COX7B2: variants seen among roughly 807,000 people sequenced by gnomAD.
The protein encoded by COX7B2 is cytochrome c oxidase subunit 7B2.
For missense variants in COX7B2, 109 were observed against 95.9 expected (o/e 1.14, Z -0.57); for synonymous variants, 37 against 32.1 (o/e 1.15, Z -0.51).
chr4:46,829,922 A>G (rs1365248760), intron 2 of COX7B2, among the ~76,000 whole-genome samples: 2 of 152,220 alleles, frequency 1.3e-5, no homozygotes, highest in African/African-American at 4.8e-5. Flanking sequence ...TGGAATATTA[A>G]TCAGTTGTAT....
intron 2 of COX7B2, among the ~76,000 whole-genome samples, chr4:46,803,322 C>G (rs376612338): frequency 6.6e-6 from 1 of 152,074 alleles, no homozygotes; most frequent in African/African-American, 2.4e-5. Flanking sequence ...CATTAGAAAA[C>G]AAAGTTATGT....
intron 2 of COX7B2, among the ~76,000 whole-genome samples, chr4:46,736,288 G>A (rs1714362107): frequency 6.6e-6 from 1 of 152,096 alleles, no homozygotes; most frequent in South Asian, 2.1e-4. Flanking sequence ...TACTGCAGCA[G>A]AGGAGATGGG....
chr4:46,800,800 A>G (rs1424604872), intron 2 of COX7B2, among the ~76,000 whole-genome samples: 2 of 152,212 alleles, frequency 1.3e-5, no homozygotes, highest in African/African-American at 4.8e-5. Flanking sequence ...CAGAATAAAC[A>G]GAATAAATCA....
chr4:46,908,363 G>A (rs950177752), intron 1 of COX7B2, among the ~76,000 whole-genome samples: 1 of 152,048 alleles, frequency 6.6e-6, no homozygotes, highest in Non-Finnish European at 1.5e-5. Flanking sequence ...ACCAACACCC[G>A]TTTAATAGGG....
At chr4:46,820,650 C>T (rs866983457) in intron 2 of COX7B2, among the ~76,000 whole-genome samples, 2 of 151,750 alleles carry the variant, frequency 1.3e-5, no homozygotes, top group Non-Finnish European at 2.9e-5. Flanking sequence ...CAACAAACCC[C>T]GTCTCTACTA....
intron 2 of COX7B2, among the ~76,000 whole-genome samples, chr4:46,763,042 A>C (rs1039509668): frequency 7.4e-6 from 1 of 135,402 alleles, no homozygotes; most frequent in Non-Finnish European, 1.5e-5. Context: ...AATATATATT[A>C]TATATTATAA....
chr4:46,891,046 C>T (rs1236928736), intron 1 of COX7B2, among the ~76,000 whole-genome samples: 1 of 152,130 alleles, frequency 6.6e-6, no homozygotes, highest in Non-Finnish European at 1.5e-5. Context: ...TGGTTACATT[C>T]AGAGTAAACT....
intron 2 of COX7B2, among the ~76,000 whole-genome samples, chr4:46,764,276 G>A (rs1421430588): frequency 6.6e-6 from 1 of 152,190 alleles, no homozygotes; most frequent in African/African-American, 2.4e-5. Flanking sequence ...CAGGCACAGT[G>A]GCTCACGCCT....
At chr4:46,907,847 A>AATTTTTTTTTTTTTTTTTTTT (rs1308450950) in intron 1 of COX7B2, among the ~76,000 whole-genome samples, 1 of 67,204 alleles carries the variant, frequency 1.5e-5, no homozygotes, top group Non-Finnish European at 3.2e-5. Context: ...ATTTGAGCAG[A>AATTTTTTTTTTTTTTTTTTTT]CTTTTTTTTT....
chr4:46,858,978 A>G (rs1717179121), intron 1 of COX7B2, among the ~76,000 whole-genome samples: 1 of 152,168 alleles, frequency 6.6e-6, no homozygotes, highest in Non-Finnish European at 1.5e-5. Context: ...TGTTCATCTT[A>G]TATCTGGCAA....
At chr4:46,842,435 T>C (rs1357031992) in intron 2 of COX7B2, among the ~76,000 whole-genome samples, 3 of 152,072 alleles carry the variant, frequency 2.0e-5, no homozygotes, top group Non-Finnish European at 4.4e-5. Context: ...AGTTTTAGGG[T>C]ACATGTGCAC....
chr4:46,897,027 G>A (rs1262726272), intron 1 of COX7B2, among the ~76,000 whole-genome samples: 2 of 152,166 alleles, frequency 1.3e-5, no homozygotes, highest in Non-Finnish European at 1.5e-5. Flanking sequence ...ATTCTTGGAG[G>A]TAGGGAAATT....
chr4:46,851,788 C>T (rs756410504), intron 1 of COX7B2, among the ~76,000 whole-genome samples: 8 of 151,960 alleles, frequency 5.3e-5, no homozygotes, highest in East Asian at 1.9e-4. Flanking sequence ...ATTACAATGA[C>T]GTTATGTATT....
At chr4:46,893,688 T>C (rs931603211) in intron 1 of COX7B2, among the ~76,000 whole-genome samples, 2 of 152,134 alleles carry the variant, frequency 1.3e-5, no homozygotes, top group Admixed American at 6.6e-5. Context: ...TCCAAAAACA[T>C]GCAGCAAAGT....
At chr4:46,832,246 T>C (rs1715187253) in intron 2 of COX7B2, among the ~76,000 whole-genome samples, 2 of 152,098 alleles carry the variant, frequency 1.3e-5, no homozygotes, top group African/African-American at 4.8e-5. Context: ...GCAGCTTCAC[T>C]CCTGAGCCAG....
intron 2 of COX7B2, among the ~76,000 whole-genome samples, chr4:46,766,900 C>A (rs544858146): frequency 2.0e-5 from 3 of 151,684 alleles, no homozygotes; most frequent in African/African-American, 7.3e-5. Context: ...CCTACTACCA[C>A]GAAAAAATTA....
intron 2 of COX7B2, among the ~76,000 whole-genome samples, chr4:46,821,347 C>T (rs553185898): frequency 6.6e-6 from 1 of 152,116 alleles, no homozygotes; most frequent in Non-Finnish European, 1.5e-5. Context: ...TTGGCAGCAA[C>T]CTTCTTTGAA....
intron 2 of COX7B2, among the ~76,000 whole-genome samples, chr4:46,786,338 T>A (rs1717752843): frequency 6.6e-6 from 1 of 152,224 alleles, no homozygotes; most frequent in Non-Finnish European, 1.5e-5. Flanking sequence ...ACATACTTTA[T>A]CTGACCACTC....
At chr4:46,766,706 G>GAAAAA (rs57884969) in intron 2 of COX7B2, among the ~76,000 whole-genome samples, 2 of 96,584 alleles carry the variant, frequency 2.1e-5, no homozygotes, top group Admixed American at 1.0e-4. Context: ...GTCTCGAAAA[G>GAAAAA]AAAAAAAAAA....
Sources: gnomAD v4.1 joint callset for allele counts (sites outside exome capture counted in the v4.1 genomes callset) on GRCh38, gnomAD v4.1.1 for gene constraint, MANE v1.5 for transcripts, NCBI Gene and HGNC (gene_info 2026-07-23, HGNC 2026-07-21) for gene names.